Variants in TUSC3 observed in about 807,000 individuals in gnomAD.
TUSC3 encodes the protein dolichyl-diphosphooligosaccharide--protein glycosyltransferase subunit TUSC3.
A neutral mutation model predicts 44.8 loss-of-function variants in TUSC3; 45 were observed. The observed-to-expected ratio is 1.00, with a 90% CI of 0.79 to 1.29. TUSC3 has a LOEUF of 1.29. Ranked by LOEUF, TUSC3 falls within the 50% of genes most tolerant of loss-of-function variation. The pLI is 0.00. For synonymous variants in TUSC3, 212 were observed against 152.9 expected (o/e 1.39, Z -2.85); for missense variants, 519 against 437.9 (o/e 1.19, Z -1.65).
chr8:15,753,554 CTT>C (rs2129221080), intron 9 of TUSC3, among the ~76,000 whole-genome samples: 1 of 152,146 alleles, frequency 6.6e-6, no homozygotes, highest in South Asian at 2.1e-4. Flanking sequence ...GTTTTAATCC[CTT>C]TTGTTAGTCT....
At chr8:15,621,545 T>C (rs1452035750) in intron 1 of TUSC3, among the ~76,000 whole-genome samples, 1 of 147,780 alleles carries the variant, frequency 6.8e-6, no homozygotes, top group Non-Finnish European at 1.5e-5. Context: ...TAAAGTATAT[T>C]TCCAAAGTTA....
At chr8:15,770,239 G>C (rs1385302466), downstream of TUSC3, among the ~76,000 whole-genome samples, 1 of 152,114 alleles carries the variant, frequency 6.6e-6, no homozygotes. Context: ...CCATAAAAAA[G>C]GGTGAGTTCA....
Position 15,623,127 on chromosome 8 carries a change from A to T in TUSC3, c.186A>T (p.Arg62Ser). The change falls in exon 2 of 11, where the codon AGA (arginine) becomes AGT (serine). Residue 62 changes from arginine to serine, a missense_variant. Transcript: ENST00000503731. ...AGCAGCTGATGGAATGGAGTTCCAG[A>T]CGCTCAATCTTCCGAATGAATGGTG... ...KVEQLMEWSS[R>S]RSIFRMNGDK... 2 of 1,613,978 alleles carry T rather than the reference A, an allele frequency of 1.2e-6. No homozygotes were observed. Among genetic ancestry groups the T allele is most frequent in the Non-Finnish European group, 1.7e-6 (2 of 1,179,916 alleles).
chr8:15,454,882 C>G (rs561929325), intron 1 of TUSC3, among the ~76,000 whole-genome samples: 2 of 152,008 alleles, frequency 1.3e-5, no homozygotes, highest in Non-Finnish European at 2.9e-5. Context: ...GGCATAATTT[C>G]CAAGTTCACG....
intron 2 of TUSC3, among the ~76,000 whole-genome samples, chr8:15,638,172 C>T (rs1397695359): frequency 4.6e-5 from 7 of 152,056 alleles, no homozygotes; most frequent in Admixed American, 6.6e-5. Flanking sequence ...CCCGCCGCCC[C>T]CCGTATTTCG....
chr8:15,537,419 AC>A (rs1273080814), upstream of TUSC3, among the ~76,000 whole-genome samples: 5 of 152,196 alleles, frequency 3.3e-5, no homozygotes, highest in East Asian at 9.7e-4. Context: ...ACCAAGCTGC[AC>A]CCCGACCACC....
chr8:15,466,015 G>A (rs1300647906), intron 1 of TUSC3, among the ~76,000 whole-genome samples: 1 of 152,142 alleles, frequency 6.6e-6, no homozygotes. Context: ...CAACATTTTT[G>A]TCTGAGGGAA....
chr8:15,646,738 A>G (rs2129174036), intron 2 of TUSC3, among the ~76,000 whole-genome samples: 1 of 152,156 alleles, frequency 6.6e-6, no homozygotes, highest in East Asian at 1.9e-4. Context: ...AGGCTAGGCC[A>G]GAGATGATCC....
chr8:15,795,519 A>T, the TUSC3 span, among the ~76,000 whole-genome samples: 16 of 152,340 alleles, frequency 1.1e-4, no homozygotes, highest in African/African-American at 3.8e-4. Flanking sequence ...TGGATAAACT[A>T]ATGAGAGCCT....
rs369551313 is a variant in TUSC3, at chr8:15,471,110, A to C, written n.92-12276A>C. ...TTACCTGTTTACTAACTGTGTGGTC[A>C]GAGGAGGTGCAAACATTTCTTTGAT... On this transcript the variant is annotated intron_variant and non_coding_transcript_variant, in intron 1 of 5. Coordinates refer to the TUSC3 transcript ENST00000503191. Among the ~76,000 whole-genome samples the C allele has an allele frequency of 4.2e-3, 498 of 119,200 alleles. 2 individuals are homozygous for C. The highest frequency in any genetic ancestry group is 0.017 in the African/African-American group (483 of 28,906). The allele number at this position is 119,200 out of a possible 152,430, so 78.2% of individuals were successfully genotyped here. A position where few individuals can be genotyped will look rare whatever the true frequency, so the allele number is the denominator to read the frequency against.
chr8:15,417,641 G>C (rs1799675621), intron 1 of TUSC3, among the ~76,000 whole-genome samples: 1 of 152,166 alleles, frequency 6.6e-6, no homozygotes, highest in Non-Finnish European at 1.5e-5. Context: ...ATATATACTA[G>C]AGAGAAAATA....
the TUSC3 span, among the ~76,000 whole-genome samples, chr8:15,820,699 A>G: frequency 3.3e-5 from 5 of 152,114 alleles, no homozygotes; most frequent in Non-Finnish European, 5.9e-5. Context: ...TTAAGTAGTA[A>G]TTGCACTCTT....
chr8:15,557,012 G>C (rs1450305855), intron 1 of TUSC3, among the ~76,000 whole-genome samples: 5 of 142,932 alleles, frequency 3.5e-5, no homozygotes, highest in Middle Eastern at 3.8e-3. Flanking sequence ...AGTTTAATTA[G>C]ATCCCATTTG....
chr8:15,806,575 G>A, the TUSC3 span: 165,175 of 1,446,540 alleles, frequency 0.11, 10,645 homozygotes, highest in South Asian at 0.17. Context: ...TAACATCCCA[G>A]ATACTATCAC....
chr8:15,725,051 A>C (rs1319568315), intron 6 of TUSC3, among the ~76,000 whole-genome samples: 2 of 152,138 alleles, frequency 1.3e-5, no homozygotes, highest in African/African-American at 4.8e-5. Context: ...TTTGTCATTT[A>C]CTTAATGTTA....
the TUSC3 span, among the ~76,000 whole-genome samples, chr8:15,827,336 T>C: frequency 2.6e-5 from 4 of 152,244 alleles, no homozygotes; most frequent in Non-Finnish European, 5.9e-5. Flanking sequence ...TCTCAAATTA[T>C]GTTCTACTGA....
chr8:15,689,167 C>T, intron 6 of TUSC3: 1 of 407,922 alleles, frequency 2.5e-6, no homozygotes, highest in Non-Finnish European at 4.9e-6. Context: ...CACTCTGCTT[C>T]TTGCTTCGGA....
the TUSC3 span, among the ~76,000 whole-genome samples, chr8:15,815,275 A>G: frequency 6.6e-6 from 1 of 152,152 alleles, no homozygotes; most frequent in Admixed American, 6.5e-5. Context: ...TAATGGGAAG[A>G]GCAGGAACAA....
chr8:15,723,264 G>A (rs1320910963), intron 6 of TUSC3, among the ~76,000 whole-genome samples: 1 of 152,114 alleles, frequency 6.6e-6, no homozygotes, highest in African/African-American at 2.4e-5. Flanking sequence ...ATTGCTAAAC[G>A]ATGTCCTGCA....
Sources: gnomAD v4.1 joint callset for allele counts (sites outside exome capture counted in the v4.1 genomes callset) on GRCh38, gnomAD v4.1.1 for gene constraint, MANE v1.5 for transcripts, NCBI Gene and HGNC (gene_info 2026-07-23, HGNC 2026-07-21) for gene names.